PLCG2: variants seen among roughly 807,000 people sequenced by gnomAD.
PLCG2 encodes the protein phospholipase C gamma 2.
A neutral mutation model predicts 175.6 loss-of-function variants in PLCG2; 69 were observed. That is an observed-to-expected ratio of 0.39 (90% CI 0.32 to 0.48). The LOEUF is 0.48. Among genes scored for constraint, PLCG2 ranks in the 20% least tolerant of loss-of-function variants. PLCG2 has a pLI of 0.91. For synonymous variants in PLCG2, 827 were observed against 624.0 expected (o/e 1.33, Z -4.85); for missense variants, 1,798 against 1,650.9 (o/e 1.09, Z -1.54).
At chr16:81,846,552 A>C (rs73590847) in intron 2 of PLCG2, among the ~76,000 whole-genome samples, 1 of 152,228 alleles carries the variant, frequency 6.6e-6, no homozygotes, top group Non-Finnish European at 1.5e-5. Context: ...CTCAAGGATG[A>C]GGCTACTGTA....
At chr16:81,954,341 T>G (rs1387817227) in intron 31 of PLCG2, among the ~76,000 whole-genome samples, 1 of 152,190 alleles carries the variant, frequency 6.6e-6, no homozygotes, top group Non-Finnish European at 1.5e-5. Context: ...TTTTCTTTTC[T>G]TTTTCCTTTT....
intron 2 of PLCG2, among the ~76,000 whole-genome samples, chr16:81,828,610 C>T (rs1322206885): frequency 6.6e-6 from 1 of 152,106 alleles, no homozygotes; most frequent in Non-Finnish European, 1.5e-5. Context: ...CAGTTTTGAT[C>T]AGCGAGTCCT....
intron 2 of PLCG2, among the ~76,000 whole-genome samples, chr16:81,757,775 C>A: frequency 6.6e-6 from 1 of 151,972 alleles, no homozygotes; most frequent in Non-Finnish European, 1.5e-5. Flanking sequence ...CTTTTCATCA[C>A]CCCCAAACAG....
chr16:81,939,503 C>T (rs905891571), intron 29 of PLCG2, among the ~76,000 whole-genome samples: 30 of 152,332 alleles, frequency 2.0e-4, no homozygotes, highest in African/African-American at 7.2e-4. Context: ...CTCTGTGAGG[C>T]TGGGCTCTCC....
At chr16:81,876,916 G>C (rs756664758) in intron 7 of PLCG2, among the ~76,000 whole-genome samples, 4 of 152,228 alleles carry the variant, frequency 2.6e-5, no homozygotes, top group Non-Finnish European at 4.4e-5. Context: ...ACATATGTAC[G>C]TGTAGTGTGG....
At chr16:81,904,909 A>G (rs1356734724) in intron 14 of PLCG2, among the ~76,000 whole-genome samples, 1 of 152,104 alleles carries the variant, frequency 6.6e-6, no homozygotes, top group African/African-American at 2.4e-5. Context: ...TTTTACTGGG[A>G]CAGAGTCTCA....
chr16:81,914,984 T>C (rs1434799103), intron 19 of PLCG2, among the ~76,000 whole-genome samples: 1 of 152,204 alleles, frequency 6.6e-6, no homozygotes, highest in Non-Finnish European at 1.5e-5. Context: ...CCCTAAGTCA[T>C]TGTAACAATC....
intron 1 of PLCG2, chr16:81,783,080 G>A (rs773416332): frequency 2.1e-6 from 1 of 468,498 alleles, no homozygotes; most frequent in South Asian, 1.5e-5. Context: ...CTCCCAGAGT[G>A]AGGGCTGGAA....
chr16:81,796,990 A>G (rs556385736), intron 2 of PLCG2, among the ~76,000 whole-genome samples: 25 of 152,330 alleles, frequency 1.6e-4, no homozygotes, highest in South Asian at 1.4e-3. Flanking sequence ...CACTGATACT[A>G]TGGATGGGTT....
intron 2 of PLCG2, among the ~76,000 whole-genome samples, chr16:81,816,028 C>T (rs529833031): frequency 6.7e-6 from 1 of 148,338 alleles, no homozygotes; most frequent in East Asian, 2.0e-4. Flanking sequence ...TGCCACTGCA[C>T]TTCAGCCTGG....
chr16:81,863,852 C>G (rs1031584017), intron 5 of PLCG2, among the ~76,000 whole-genome samples: 1 of 152,114 alleles, frequency 6.6e-6, no homozygotes. Flanking sequence ...CAGGAGGTGG[C>G]AAAGGGTGAG....
chr16:81,889,301 G>A (rs1908521934), intron 10 of PLCG2, 28 bp downstream of exon 10: 7 of 1,285,434 alleles, frequency 5.4e-6, no homozygotes, highest in Admixed American at 1.9e-5. Context: ...GTTGTCGCTT[G>A]GGGGTGACTT....
chr16:81,878,127 C>G (rs181784439), intron 7 of PLCG2, among the ~76,000 whole-genome samples: 1 of 151,618 alleles, frequency 6.6e-6, no homozygotes, highest in African/African-American at 2.4e-5. Flanking sequence ...GGACTACAGG[C>G]GCCCACCACC....
chr16:81,786,246 C>T, intron 2 of PLCG2, 64 bp downstream of exon 2: 5 of 1,313,768 alleles, frequency 3.8e-6, no homozygotes, highest in Non-Finnish European at 5.4e-6. Flanking sequence ...AGCACCTGTC[C>T]ACCTTCCTGT....
chr16:81,806,509 G>A (rs1040496937), intron 2 of PLCG2, among the ~76,000 whole-genome samples: 1 of 152,076 alleles, frequency 6.6e-6, no homozygotes, highest in East Asian at 1.9e-4. Context: ...CTTTCTTGGG[G>A]GTTGCTTTTG....
chr16:81,855,146 T>G (rs2143477092), intron 3 of PLCG2, among the ~76,000 whole-genome samples: 1 of 151,010 alleles, frequency 6.6e-6, no homozygotes, highest in Admixed American at 6.6e-5. Context: ...TGAGCCAAGA[T>G]TGCATCACTC....
At chr16:81,805,766 T>TG (rs1911981936) in intron 2 of PLCG2, among the ~76,000 whole-genome samples, 1 of 81,610 alleles carries the variant, frequency 1.2e-5, no homozygotes, top group African/African-American at 4.9e-5. Flanking sequence ...TGTTTTGTTT[T>TG]GTTTTTTTTT....
At chr16:81,748,924 A>G (rs1346505019) in intron 1 of PLCG2, among the ~76,000 whole-genome samples, 1 of 152,144 alleles carries the variant, frequency 6.6e-6, no homozygotes, top group Non-Finnish European at 1.5e-5. Flanking sequence ...CTTGACTATG[A>G]CTGTACCTGG....
intron 2 of PLCG2, among the ~76,000 whole-genome samples, chr16:81,771,902 G>C (rs1910289426): frequency 6.6e-6 from 1 of 152,066 alleles, no homozygotes; most frequent in Non-Finnish European, 1.5e-5. Flanking sequence ...TCCTGCCTCA[G>C]CTTCCCAACT....
Sources: gnomAD v4.1 joint callset for allele counts (sites outside exome capture counted in the v4.1 genomes callset) on GRCh38, gnomAD v4.1.1 for gene constraint, MANE v1.5 for transcripts, NCBI Gene and HGNC (gene_info 2026-07-23, HGNC 2026-07-21) for gene names.